The following SAMMSON variants were observed in gnomAD, a reference collection of about 807,000 sequenced individuals.
SAMMSON encodes survival associated mitochondrial melanoma specific oncogenic non-coding RNA.
intron 3 of SAMMSON, among the ~76,000 whole-genome samples, chr3:70,021,498 C>G (rs1430196648): frequency 6.6e-6 from 1 of 152,106 alleles, no homozygotes; most frequent in Non-Finnish European, 1.5e-5. Context: ...AAAGAGCAGT[C>G]AAGAAAAACA....
intron 9 of SAMMSON, among the ~76,000 whole-genome samples, chr3:70,367,257 C>G (rs1002217861): frequency 4.6e-5 from 7 of 151,484 alleles, no homozygotes; most frequent in Admixed American, 2.6e-4. Flanking sequence ...AACACTAGAA[C>G]TTATTCTTTC....
intron 4 of SAMMSON, among the ~76,000 whole-genome samples, chr3:70,170,480 A>G (rs1289949774): frequency 1.3e-5 from 2 of 151,648 alleles, no homozygotes; most frequent in Non-Finnish European, 2.9e-5. Flanking sequence ...TAATATTTTT[A>G]CTTTATACCG....
At chr3:70,175,503 C>A (rs1395437139) in intron 4 of SAMMSON, among the ~76,000 whole-genome samples, 1 of 152,042 alleles carries the variant, frequency 6.6e-6, no homozygotes, top group Non-Finnish European at 1.5e-5. Flanking sequence ...AGGAGAGAAG[C>A]AGAAGGAATA....
intron 4 of SAMMSON, among the ~76,000 whole-genome samples, chr3:70,135,698 C>A (rs1459920698): frequency 6.6e-6 from 1 of 152,164 alleles, no homozygotes; most frequent in Non-Finnish European, 1.5e-5. Context: ...TTTTTCCATA[C>A]ATAAAATTCC....
chr3:70,298,554 G>C (rs1418228423), intron 7 of SAMMSON, among the ~76,000 whole-genome samples: 1 of 152,122 alleles, frequency 6.6e-6, no homozygotes. Context: ...CTACAGATAA[G>C]TTGGCTTCTG....
intron 2 of SAMMSON, among the ~76,000 whole-genome samples, chr3:70,395,335 T>A (rs866681596): frequency 6.7e-6 from 1 of 148,646 alleles, no homozygotes; most frequent in Admixed American, 6.7e-5. Context: ...CTCTCTCTTT[T>A]TTTTTTTTTT....
intron 4 of SAMMSON, among the ~76,000 whole-genome samples, chr3:70,136,066 C>A (rs1390824120): frequency 6.6e-6 from 1 of 151,656 alleles, no homozygotes; most frequent in African/African-American, 2.4e-5. Flanking sequence ...ATATTTTAAT[C>A]AGATTTTTAT....
intron 6 of SAMMSON, chr3:70,272,412 T>G (rs1449246314): frequency 1.3e-5 from 2 of 152,242 alleles, no homozygotes; most frequent in African/African-American, 4.8e-5. Flanking sequence ...ATAATGCTTT[T>G]GAGGTTCATC....
At chr3:70,128,900 T>G (rs751005989) in intron 4 of SAMMSON, among the ~76,000 whole-genome samples, 15 of 152,244 alleles carry the variant, frequency 9.9e-5, no homozygotes, top group Non-Finnish European at 1.6e-4. Flanking sequence ...GTGAAAAGTA[T>G]GAAAAATTTA....
At chr3:70,355,069 C>T (rs1702819806) in intron 8 of SAMMSON, among the ~76,000 whole-genome samples, 1 of 152,110 alleles carries the variant, frequency 6.6e-6, no homozygotes, top group Non-Finnish European at 1.5e-5. Flanking sequence ...AAGCTACCTA[C>T]CCCTGGCCAG....
intron 9 of SAMMSON, among the ~76,000 whole-genome samples, chr3:70,376,287 C>A (rs1370055957): frequency 6.6e-6 from 1 of 152,180 alleles, no homozygotes; most frequent in East Asian, 1.9e-4. Context: ...GTTCGTCCTT[C>A]AACTAGTTGG....
intron 9 of SAMMSON, among the ~76,000 whole-genome samples, chr3:70,378,460 G>A (rs997916353): frequency 2.6e-5 from 4 of 152,042 alleles, no homozygotes; most frequent in Non-Finnish European, 5.9e-5. Context: ...GAAGGATGAG[G>A]AAGGGTAAAA....
At chr3:70,131,149 G>A (rs998369676) in intron 4 of SAMMSON, among the ~76,000 whole-genome samples, 2 of 152,152 alleles carry the variant, frequency 1.3e-5, no homozygotes, top group African/African-American at 4.8e-5. Context: ...ACTTAACAGA[G>A]CCCAGAAGTC....
intron 6 of SAMMSON, among the ~76,000 whole-genome samples, chr3:70,253,177 A>G (rs905678591): frequency 6.6e-6 from 1 of 152,216 alleles, no homozygotes; most frequent in Non-Finnish European, 1.5e-5. Flanking sequence ...CAGGTGAGTG[A>G]GATACAACAT....
At chr3:70,015,409 T>C (rs2066979332) in intron 3 of SAMMSON, 1 of 152,158 alleles carries the variant, frequency 6.6e-6, no homozygotes, top group Non-Finnish European at 1.5e-5. Context: ...TCTTTTTTTT[T>C]TTTAAATGTT....
intron 4 of SAMMSON, among the ~76,000 whole-genome samples, chr3:70,234,449 G>A (rs1701589261): frequency 6.6e-6 from 1 of 151,988 alleles, no homozygotes; most frequent in Non-Finnish European, 1.5e-5. Flanking sequence ...AGGAGTTTGA[G>A]ACCAGCCTGG....
Position 70,285,583 on chromosome 3 carries a change from T to C in SAMMSON, n.675-5596T>C, listed in dbSNP as rs796490990. Among the ~76,000 whole-genome samples, 4 of 152,032 alleles carry C rather than the reference T, an allele frequency of 2.6e-5. 1 individual carries two copies. In the South Asian group the frequency reaches 6.3e-4, roughly 24 times the overall value. On this transcript the variant is annotated intron_variant and non_coding_transcript_variant, in intron 6 of 9. Transcript: ENST00000642114. ...TTTGGGTATATACCCAGTAATGGGA[T>C]GGCTGTGTCAAATGGTATTTCTAGT...
intron 3 of SAMMSON, among the ~76,000 whole-genome samples, chr3:70,016,123 C>T: frequency 6.6e-6 from 1 of 152,126 alleles, no homozygotes; most frequent in East Asian, 1.9e-4. Flanking sequence ...GTTCTAGATC[C>T]CTGAGGAATT....
At chr3:70,419,084 G>T in intron 2 of SAMMSON, among the ~76,000 whole-genome samples, 1 of 151,158 alleles carries the variant, frequency 6.6e-6, no homozygotes, top group South Asian at 2.1e-4. Flanking sequence ...GAGTGCAGTG[G>T]CATGATCTCT....
Sources: allele counts gnomAD v4.1 joint callset (sites outside exome capture counted in the v4.1 genomes callset), GRCh38; gene constraint gnomAD v4.1.1; transcripts MANE v1.5; gene names NCBI Gene and HGNC (gene_info 2026-07-23, HGNC 2026-07-21).